Variants in PRDM6 observed in about 807,000 individuals in gnomAD.
PRDM6 encodes putative histone-lysine N-methyltransferase PRDM6.
PRDM6 carries 25 observed loss-of-function variants against 60.8 expected under a neutral mutation model. That is an observed-to-expected ratio of 0.41 (90% confidence interval 0.30 to 0.57). PRDM6 has a LOEUF of 0.57. Among genes scored for constraint, PRDM6 ranks in the 20% least tolerant of loss-of-function variants. PRDM6 has a pLI of 0.27. For missense variants in PRDM6, 839 were observed against 821.3 expected, an observed-to-expected ratio of 1.02 and a Z score of -0.26; for synonymous variants, 407 against 357.4, an observed-to-expected ratio of 1.14 and a Z score of -1.57.
Position 123,099,725 on chromosome 5 carries a change from C to T in PRDM6, c.664C>T (p.Leu222Phe), listed in dbSNP as rs1368082607. Residue 222 changes from leucine (L) to phenylalanine (F), a missense_variant, in exon 3 of 8, where the codon CTT becomes TTT. Leu to Phe is a conservative substitution (Grantham distance 22). Coordinates refer to ENST00000407847, the MANE Select transcript of PRDM6 (RefSeq NM_001136239.4). The surrounding 1 kb of genome is among the most constrained non-coding windows in gnomAD (Gnocchi z 4.0). Reference protein sequence around the residue: ...MHGPLHSLRRLVGTSSAAAAA... With the variant: ...MHGPLHSLRRFVGTSSAAAAA... ...TGGGCCACTGCACTCGCTGCGCCGG[C>T]TTGTGGGCACCAGCAGCGCTGCGGC... The T allele has an allele frequency of 2.0e-6, 3 of 1,537,806 alleles. No individual in the cohort carries two copies. The highest frequency in any genetic ancestry group is 2.6e-6 in the Non-Finnish European group (3 of 1,141,916).
chr5:123,139,026 G>C (rs1047684903), intron 3 of PRDM6, among the ~76,000 whole-genome samples: 3 of 152,116 alleles, frequency 2.0e-5, no homozygotes, highest in African/African-American at 7.2e-5. Context: ...GGTTTTATAA[G>C]CGTCTGGCAT....
chr5:123,174,553 T>C lies in PRDM6; in HGVS notation c.1496+3445T>C, dbSNP rs559153063. ...TTGAATCTGAGGTCCAAATGATTTT[T>C]TATTCAATGGACTGAATATTTGGCC... On this transcript the variant is annotated intron_variant, in intron 6 of 7. Transcript: ENST00000407847. 1.1e-4 allele frequency among the ~76,000 whole-genome samples: 16 copies of C among 152,322 alleles called. No individual in the cohort carries two copies. In the South Asian group the frequency reaches 2.9e-3, roughly 28 times the overall value.
At chr5:123,157,386 G>C (rs1393316882) in intron 4 of PRDM6, among the ~76,000 whole-genome samples, 1 of 152,126 alleles carries the variant, frequency 6.6e-6, no homozygotes. Context: ...CACTTAGTAA[G>C]AGATAGTTTG....
At chr5:123,104,594 A>T (rs1340549483) in intron 3 of PRDM6, among the ~76,000 whole-genome samples, 2 of 152,178 alleles carry the variant, frequency 1.3e-5, no homozygotes, top group Non-Finnish European at 2.9e-5. Context: ...ATTTAATATA[A>T]TAGTCTGCCT....
In PRDM6 at chr5:123,089,264, C is replaced by T. The variant is rs1416832861; in HGVS notation, c.-271C>T. 2.6e-5 allele frequency: 4 copies of T among 153,086 alleles called. No homozygotes were observed. In the East Asian group the frequency reaches 7.7e-4, roughly 30 times the overall value. The allele number at this position is 153,086 out of a possible 1,614,324, so 9.5% of individuals were successfully genotyped here. A position where few individuals can be genotyped will look rare whatever the true frequency, so the allele number is the denominator to read the frequency against. On this transcript the variant is annotated 5_prime_UTR_variant, in exon 1 of 8. Transcript: ENST00000407847. The stretch of plus-strand genomic sequence containing the variant: ...CTGCCAGAGCGTGGAACCAAGGAGC[C>T]AGGACGCGGCAGCGGCCAAGCGCAG...
chr5:123,094,432 T>TCTCTC (rs1763912961), intron 2 of PRDM6, among the ~76,000 whole-genome samples: 1 of 147,956 alleles, frequency 6.8e-6, no homozygotes, highest in East Asian at 2.0e-4. Flanking sequence ...GCTTTTGTGT[T>TCTCTC]TCTCTCTCTC....
intron 3 of PRDM6, among the ~76,000 whole-genome samples, chr5:123,127,708 TTCTC>T (rs776008807): frequency 1.4e-5 from 2 of 143,898 alleles, no homozygotes; most frequent in African/African-American, 5.6e-5. Context: ...CTTTCTTTCT[TTCTC>T]TTTCTTTCTT....
intron 3 of PRDM6, among the ~76,000 whole-genome samples, chr5:123,148,999 G>A (rs1477081254): frequency 1.4e-4 from 21 of 152,134 alleles, no homozygotes; most frequent in Admixed American, 1.4e-3. Context: ...TCTCTTGCAG[G>A]TCAGTTATAC....
At chr5:123,134,545 T>C (rs1336356985) in intron 3 of PRDM6, among the ~76,000 whole-genome samples, 1 of 152,290 alleles carries the variant, frequency 6.6e-6, no homozygotes, top group Non-Finnish European at 1.5e-5. Context: ...TAAATTGTTA[T>C]GTATTTTAAA....
rs750769786 is a variant in PRDM6, at chr5:123,191,178, C to T, written c.*3977C>T. 6.6e-6 allele frequency: 1 copy of T among 152,182 alleles called. No individual in the cohort carries two copies. Among genetic ancestry groups the T allele is most frequent in the Non-Finnish European group, 1.5e-5 (1 of 68,036 alleles). The allele number at this position is 152,182 out of a possible 1,614,324, so 9.4% of individuals were successfully genotyped here. ...AGGAGATCTGCGACCCTGAATGGGT[C>T]AGAGTTGCCTCATTAGTGGTAAGCG... On this transcript the variant is annotated 3_prime_UTR_variant, in exon 8 of 8. Coordinates refer to ENST00000407847, the MANE Select transcript of PRDM6 (RefSeq NM_001136239.4).
At chr5:123,093,256 A>G (rs962508797) in intron 2 of PRDM6, among the ~76,000 whole-genome samples, 1 of 152,218 alleles carries the variant, frequency 6.6e-6, no homozygotes, top group African/African-American at 2.4e-5. Flanking sequence ...AAGGCGAAAT[A>G]AAAAGGGCGG....
intron 7 of PRDM6, among the ~76,000 whole-genome samples, chr5:123,186,343 GTC>G (rs1766288870): frequency 6.6e-6 from 1 of 152,190 alleles, no homozygotes; most frequent in Non-Finnish European, 1.5e-5. Context: ...GGAACTCAAA[GTC>G]TCTAGATTAC....
At chr5:123,110,568 CTT>C (rs974674301) in intron 3 of PRDM6, among the ~76,000 whole-genome samples, 51 of 116,898 alleles carry the variant, frequency 4.4e-4, no homozygotes, top group Non-Finnish European at 4.9e-4. Context: ...TTTTTTTTTT[CTT>C]TTTTTTTTTT....
rs539772223 is a variant in PRDM6 at position 123,190,384 on chromosome 5, A to C, written c.*3183A>C. The C allele has an allele frequency of 6.6e-6, 1 of 152,228 alleles. No homozygotes were observed. Among genetic ancestry groups the C allele is most frequent in the African/African-American group, 2.4e-5 (1 of 41,540 alleles). 9.4% of individuals were successfully genotyped at this position (152,228 alleles called of 1,614,324 possible). A position where few individuals can be genotyped will look rare whatever the true frequency, so the allele number is the denominator to read the frequency against. ...TATTTTCCCCAGGATATGTGCATAC[A>C]TTTTTCATAGATAAGCTTTTCATTT... On this transcript the variant is annotated 3_prime_UTR_variant, in exon 8 of 8. Transcript: ENST00000407847.
chr5:123,118,502 G>A (rs1267753136), intron 3 of PRDM6, among the ~76,000 whole-genome samples: 2 of 152,162 alleles, frequency 1.3e-5, no homozygotes, highest in Non-Finnish European at 2.9e-5. Flanking sequence ...AACAAGTAAG[G>A]TAAAACTAGG....
At chr5:123,109,226 T>C (rs1298530935) in intron 3 of PRDM6, among the ~76,000 whole-genome samples, 1 of 152,168 alleles carries the variant, frequency 6.6e-6, no homozygotes, top group African/African-American at 2.4e-5. Flanking sequence ...TTGAAATGCT[T>C]TTTAAGGTAG....
In PRDM6 at chr5:123,109,207, C is replaced by T. The variant is rs200104783; in HGVS notation, c.900+9246C>T. 0.017 allele frequency among the ~76,000 whole-genome samples: 2,594 copies of T among 150,668 alleles called. 180 individuals carry two copies. In the East Asian group the frequency reaches 0.21, roughly 12 times the overall value. Reference sequence around the variant, plus strand: ...CATGAAAGTGTTAACAAAAAAAGATCAAGTATCTTTGAAATGCTTTTTAAG... The same window carrying T: ...CATGAAAGTGTTAACAAAAAAAGATTAAGTATCTTTGAAATGCTTTTTAAG... On this transcript the variant is annotated intron_variant, in intron 3 of 7. Transcript: ENST00000407847.
intron 3 of PRDM6, among the ~76,000 whole-genome samples, chr5:123,118,447 C>T (rs1402008626): frequency 6.6e-6 from 1 of 152,098 alleles, no homozygotes; most frequent in Admixed American, 6.5e-5. Context: ...AGGAGGAAAA[C>T]TTGAGGAGGG....
chr5:123,090,134 C>T lies in PRDM6; in HGVS notation c.120C>T (p.Ala40=), dbSNP rs1763780655. 1 of 1,537,882 alleles carries T rather than the reference C, an allele frequency of 6.5e-7. No homozygotes were observed. The highest frequency in any genetic ancestry group is 8.8e-7 in the Non-Finnish European group (1 of 1,142,074). Residue 40 remains alanine (A), a synonymous_variant, in exon 2 of 8, where the codon GCC becomes GCT. Coordinates refer to ENST00000407847, the MANE Select transcript of PRDM6 (RefSeq NM_001136239.4). ...CAGGCCCGCTCAAGGGCAGCGGCGC[C>T]GCGGGTCTCCTGAGCGCGCCGCAGC... ...GGAGPLKGSG[A]AGLLSAPQPL...
Sources: gnomAD v4.1 joint callset for allele counts (sites outside exome capture counted in the v4.1 genomes callset) on GRCh38, gnomAD v4.1.1 for gene constraint, Gnocchi (gnomAD v3.1) non-coding constraint, MANE v1.5 for transcripts, NCBI Gene and HGNC (gene_info 2026-07-23, HGNC 2026-07-21) for gene names.